CPQ: variants seen among roughly 807,000 people sequenced by gnomAD.
CPQ encodes the protein carboxypeptidase Q, also known as Ser-Met dipeptidase.
In CPQ, 37 loss-of-function variants were observed where a neutral mutation model predicts 45.7. The ratio of observed to expected loss-of-function variants is 0.81; its 90% CI spans 0.62 to 1.07. The LOEUF is 1.07. CPQ is among the 50% of genes least tolerant of loss of function. CPQ has a pLI of 0.00. For synonymous variants in CPQ, 186 were observed against 205.8 expected (o/e 0.90, Z 0.82); for missense variants, 537 against 572.9 (o/e 0.94, Z 0.64).
intron 1 of CPQ, among the ~76,000 whole-genome samples, chr8:96,716,721 A>G (rs913149184): frequency 1.3e-5 from 2 of 152,098 alleles, no homozygotes; most frequent in African/African-American, 4.8e-5. Flanking sequence ...CAGCCTGGCC[A>G]ACATGGTGAA....
intron 1 of CPQ, among the ~76,000 whole-genome samples, chr8:96,686,628 A>G (rs1293344274): frequency 6.6e-6 from 1 of 151,946 alleles, no homozygotes; most frequent in African/African-American, 2.4e-5. Flanking sequence ...TTTTCATGAT[A>G]TTCACAAGTG....
At chr8:97,071,579 T>G (rs1263315888) in intron 7 of CPQ, among the ~76,000 whole-genome samples, 1 of 152,168 alleles carries the variant, frequency 6.6e-6, no homozygotes, top group Non-Finnish European at 1.5e-5. Flanking sequence ...CCCACAGACC[T>G]TGTCTCACCA....
At chr8:96,791,339 C>A (rs967496344) in intron 2 of CPQ, among the ~76,000 whole-genome samples, 2 of 152,134 alleles carry the variant, frequency 1.3e-5, no homozygotes, top group East Asian at 1.9e-4. Context: ...GCCGTTGATA[C>A]CTGTACTGTG....
intron 1 of CPQ, among the ~76,000 whole-genome samples, chr8:96,649,016 C>T (rs1815548945): frequency 6.6e-6 from 1 of 152,260 alleles, no homozygotes; most frequent in East Asian, 1.9e-4. Flanking sequence ...AGGCCTCTCT[C>T]TGTCACCCAG....
At position 97,091,772 on chromosome 8, in the gene CPQ, G is replaced by A. The variant is rs549583741; in HGVS notation, c.1255+25562G>A. 7.9e-5 allele frequency among the ~76,000 whole-genome samples: 12 copies of A among 152,264 alleles called. No individual in the cohort carries two copies. The East Asian group carries it at 2.3e-3, about 29-fold the overall frequency. On this transcript the variant is annotated intron_variant, in intron 7 of 7. Transcript: ENST00000220763. ...GTTTCTCCCATGAAGCAGTGGGTCAGTAGGGAAATTATAAGGAAGACCAAA... is the reference window on the plus strand; with the variant it reads ...GTTTCTCCCATGAAGCAGTGGGTCAATAGGGAAATTATAAGGAAGACCAAA...
intron 7 of CPQ, among the ~76,000 whole-genome samples, chr8:97,076,839 A>C (rs1199223067): frequency 2.6e-5 from 4 of 152,162 alleles, no homozygotes; most frequent in African/African-American, 9.6e-5. Flanking sequence ...AACAACAGGG[A>C]GTTTAGGGGT....
chr8:96,682,724 A>G (rs1231468786), intron 1 of CPQ, among the ~76,000 whole-genome samples: 1 of 152,140 alleles, frequency 6.6e-6, no homozygotes, highest in African/African-American at 2.4e-5. Flanking sequence ...TACAGGTTTT[A>G]ACTTAAAGTC....
chr8:96,895,495 G>A (rs1198836831), intron 4 of CPQ, among the ~76,000 whole-genome samples: 1 of 152,128 alleles, frequency 6.6e-6, no homozygotes, highest in Non-Finnish European at 1.5e-5. Context: ...GGTATTAGAT[G>A]TTTTGATTAT....
chr8:96,690,117 T>C (rs1487923204), intron 1 of CPQ, among the ~76,000 whole-genome samples: 2 of 152,168 alleles, frequency 1.3e-5, no homozygotes, highest in South Asian at 4.1e-4. Flanking sequence ...TTTTAATTTA[T>C]AGAGGTATGT....
chr8:96,700,164 G>A (rs1809436603), intron 1 of CPQ, among the ~76,000 whole-genome samples: 1 of 152,074 alleles, frequency 6.6e-6, no homozygotes, highest in African/African-American at 2.4e-5. Flanking sequence ...GACCTACCAT[G>A]GGTCCTTGAT....
intron 1 of CPQ, among the ~76,000 whole-genome samples, chr8:96,718,262 A>T (rs936853399): frequency 6.6e-6 from 1 of 152,112 alleles, no homozygotes; most frequent in Non-Finnish European, 1.5e-5. Context: ...TCTTGGTCTC[A>T]CTGACTTCAA....
chr8:97,058,215 T>C (rs1319835693), intron 6 of CPQ, among the ~76,000 whole-genome samples: 3 of 152,122 alleles, frequency 2.0e-5, no homozygotes, highest in Non-Finnish European at 4.4e-5. Flanking sequence ...AGTAAATATT[T>C]GGGTTCTAGA....
intron 1 of CPQ, among the ~76,000 whole-genome samples, chr8:96,650,789 G>T (rs551298733): frequency 6.6e-6 from 1 of 152,284 alleles, no homozygotes; most frequent in East Asian, 1.9e-4. Flanking sequence ...TATACAATAG[G>T]GATGTTCATG....
intron 1 of CPQ, among the ~76,000 whole-genome samples, chr8:96,678,778 TGTTGA>T (rs1400787410): frequency 2.4e-5 from 3 of 124,356 alleles, no homozygotes; most frequent in Non-Finnish European, 3.5e-5. Flanking sequence ...TTTTTTTAGC[TGTTGA>T]GTTGTTTGAT....
At chr8:96,920,960 A>G (rs1337342852) in intron 4 of CPQ, among the ~76,000 whole-genome samples, 1 of 152,184 alleles carries the variant, frequency 6.6e-6, no homozygotes, top group Non-Finnish European at 1.5e-5. Flanking sequence ...TGTGGTTGGC[A>G]TTGAGGAGCA....
intron 4 of CPQ, among the ~76,000 whole-genome samples, chr8:96,882,652 A>G (rs1812244048): frequency 6.6e-6 from 1 of 152,140 alleles, no homozygotes; most frequent in Non-Finnish European, 1.5e-5. Context: ...GGAGTTCTTG[A>G]GAGCCAGAGG....
At chr8:96,662,593 A>G (rs1425379532) in intron 1 of CPQ, among the ~76,000 whole-genome samples, 1 of 152,216 alleles carries the variant, frequency 6.6e-6, no homozygotes, top group Non-Finnish European at 1.5e-5. Flanking sequence ...GGGCCAATGA[A>G]TAACAGAAAC....
At chr8:97,034,351 A>G (rs559393730) in intron 6 of CPQ, among the ~76,000 whole-genome samples, 1 of 152,268 alleles carries the variant, frequency 6.6e-6, no homozygotes, top group African/African-American at 2.4e-5. Flanking sequence ...CCCATAAAAG[A>G]TTTCTCTTCT....
At chr8:96,858,966 A>G (rs1244320993) in intron 3 of CPQ, among the ~76,000 whole-genome samples, 1 of 152,202 alleles carries the variant, frequency 6.6e-6, no homozygotes, top group Admixed American at 6.5e-5. Flanking sequence ...TGATCAGTGC[A>G]TATAGCACTA....
Sources: gnomAD v4.1 joint callset for allele counts (sites outside exome capture counted in the v4.1 genomes callset) on GRCh38, gnomAD v4.1.1 for gene constraint, MANE v1.5 for transcripts, NCBI Gene and HGNC (gene_info 2026-07-23, HGNC 2026-07-21) for gene names.